The following GRK4 variants were observed in gnomAD, a reference collection of about 807,000 sequenced individuals.
GRK4 encodes the protein G protein-coupled receptor kinase 2-like.
Under a neutral mutation model 77.9 loss-of-function variants are expected in GRK4, and 73 were observed. The observed-to-expected ratio is 0.94, with a 90% CI of 0.78 to 1.14. The LOEUF (loss-of-function observed/expected upper bound fraction) is 1.14, where lower values mean the gene tolerates loss of function less well. Among genes scored for constraint, GRK4 ranks in the 50% most tolerant of loss-of-function variants. The pLI, the probability that GRK4 is intolerant of heterozygous loss-of-function variation, is 0.00. For synonymous variants in GRK4, 257 were observed against 254.4 expected, an observed-to-expected ratio of 1.01 and a Z score of -0.10; for missense variants, 729 against 700.2, an observed-to-expected ratio of 1.04 and a Z score of -0.46.
chr4:2,996,139 G>A (rs1479945181), intron 4 of GRK4, among the ~76,000 whole-genome samples: 2 of 152,088 alleles, frequency 1.3e-5, no homozygotes, highest in African/African-American at 4.8e-5. Flanking sequence ...ATCACTTGGT[G>A]GAAGTGGAAA....
rs370707356 is a variant in GRK4 at position 3,015,939 on chromosome 4, C to A, written c.741+2111C>A. Among the ~76,000 whole-genome samples the A allele has an allele frequency of 6.2e-3, 930 of 149,478 alleles. 16 individuals carry two copies. Among genetic ancestry groups the A allele is most frequent in the African/African-American group, 0.021 (869 of 40,712 alleles). Reference sequence around the variant, plus strand: ...TTTTTTTTTTTTTGATACAGAGTCTCGCACTGTCTCCCGGGCTGGAGTGCA... The same window carrying A: ...TTTTTTTTTTTTTGATACAGAGTCTAGCACTGTCTCCCGGGCTGGAGTGCA... On this transcript the variant is annotated intron_variant, in intron 8 of 15. Coordinates refer to ENST00000398052, the MANE Select transcript of GRK4 (RefSeq NM_182982.3).
At chr4:3,005,695 T>A (rs1731115106) in intron 5 of GRK4, among the ~76,000 whole-genome samples, 1 of 151,874 alleles carries the variant, frequency 6.6e-6, no homozygotes, top group Non-Finnish European at 1.5e-5. Flanking sequence ...TCCCAGCTAC[T>A]CAGGAGGCTG....
At chr4:3,036,499 G>A (rs2110088692) in intron 13 of GRK4, among the ~76,000 whole-genome samples, 1 of 152,362 alleles carries the variant, frequency 6.6e-6, no homozygotes, top group Admixed American at 6.5e-5. Flanking sequence ...AAGTTTCTCA[G>A]GACTGCGGGT....
chr4:3,021,690 G>T (rs1258893162), intron 9 of GRK4, among the ~76,000 whole-genome samples: 3 of 152,166 alleles, frequency 2.0e-5, no homozygotes, highest in Non-Finnish European at 4.4e-5. Context: ...GGTGGTATTG[G>T]ACCATGGAAC....
chr4:3,022,361 A>T, intron 9 of GRK4, 53 bp from the exon 10 acceptor site: 26 of 1,578,590 alleles, frequency 1.6e-5, no homozygotes, highest in Non-Finnish European at 2.2e-5. Flanking sequence ...GGTACTCAGG[A>T]ATCACAGTGC....
rs1373793639 is a variant in GRK4, at chr4:3,007,848, T to G, written c.536+20T>G. 1.3e-6 allele frequency: 2 copies of G among 1,551,878 alleles called. No homozygotes were observed. Among genetic ancestry groups the G allele is most frequent in the African/African-American group, 2.7e-5 (2 of 73,290 alleles). The stretch of plus-strand genomic sequence containing the variant: ...GGAAAGGTATGTACTGATTTTAAAC[T>G]TGATAAAAGCCAATTGAGGTGGCAC... On this transcript the variant is annotated intron_variant, in intron 6 of 15. Coordinates refer to ENST00000398052, the MANE Select transcript of GRK4 (RefSeq NM_182982.3).
intron 1 of GRK4, among the ~76,000 whole-genome samples, chr4:2,981,249 TGG>T (rs905315389): frequency 6.6e-6 from 1 of 152,168 alleles, no homozygotes; most frequent in East Asian, 1.9e-4. Flanking sequence ...CGTGGTGAGT[TGG>T]GGGGTGTGCT....
intron 1 of GRK4, among the ~76,000 whole-genome samples, chr4:2,964,404 C>T (rs1026994134): frequency 1.3e-5 from 2 of 152,126 alleles, no homozygotes; most frequent in African/African-American, 4.8e-5. Context: ...CTTGTCCTGT[C>T]CTCTCGGTGT....
chr4:2,972,470 C>G (rs1719856734), intron 1 of GRK4, among the ~76,000 whole-genome samples: 1 of 152,096 alleles, frequency 6.6e-6, no homozygotes, highest in South Asian at 2.1e-4. Flanking sequence ...CTGAGGACAG[C>G]TGAATGAGGG....
chr4:3,029,550 C>T (rs1193655940), intron 12 of GRK4, 141 bp downstream of exon 12: 3 of 681,678 alleles, frequency 4.4e-6, no homozygotes, highest in Non-Finnish European at 7.5e-6. Context: ...GCCCCTGCCC[C>T]TGCAGCCCAG....
At chr4:3,007,366 C>T (rs973266907) in intron 5 of GRK4, among the ~76,000 whole-genome samples, 1 of 152,166 alleles carries the variant, frequency 6.6e-6, no homozygotes, top group African/African-American at 2.4e-5. Flanking sequence ...GTCCCTCAGC[C>T]AGTGAGTGGC....
At chr4:3,035,840 C>T (rs929813321) in intron 13 of GRK4, among the ~76,000 whole-genome samples, 3 of 152,184 alleles carry the variant, frequency 2.0e-5, no homozygotes, top group African/African-American at 7.2e-5. Flanking sequence ...TCTTCCCTCC[C>T]CCGTCACCCC....
At position 2,963,931 on chromosome 4, in the gene GRK4, G is replaced by C; in HGVS notation, c.-140G>C. The C allele has an allele frequency of 2.5e-6, 2 of 792,512 alleles. No homozygotes were observed. Among genetic ancestry groups the C allele is most frequent in the South Asian group, 2.9e-5 (2 of 67,950 alleles). 49.1% of individuals were successfully genotyped at this position (792,512 alleles called of 1,614,324 possible). A position where few individuals can be genotyped will look rare whatever the true frequency, so the allele number is the denominator to read the frequency against. The stretch of plus-strand genomic sequence containing the variant: ...TGGTGGCAGTGGTGGCGGCGGAGCA[G>C]CCTCCCGGGATCGTGTCCGGAGCTC... On this transcript the variant is annotated 5_prime_UTR_variant, in exon 1 of 16. Transcript: ENST00000398052.
At chr4:3,014,712 A>T (rs1733956317) in intron 8 of GRK4, among the ~76,000 whole-genome samples, 1 of 151,930 alleles carries the variant, frequency 6.6e-6, no homozygotes, top group African/African-American at 2.4e-5. Context: ...CAGGAGAATC[A>T]CTTGAACCTG....
chr4:3,003,758 C>G (rs777130241), intron 4 of GRK4, among the ~76,000 whole-genome samples: 1 of 151,758 alleles, frequency 6.6e-6, no homozygotes, highest in African/African-American at 2.4e-5. Context: ...GGTTTGGAGA[C>G]GGAGTTTCAC....
chr4:2,993,141 G>A (rs1315687838), intron 4 of GRK4, among the ~76,000 whole-genome samples: 2 of 152,156 alleles, frequency 1.3e-5, no homozygotes, highest in Admixed American at 6.5e-5. Flanking sequence ...TATAGAGTTG[G>A]AGAATTTTAT....
chr4:3,037,540 C>G (rs201665734), intron 14 of GRK4, 29 bp downstream of exon 14: 1 of 1,580,638 alleles, frequency 6.3e-7, no homozygotes, highest in East Asian at 2.3e-5. Flanking sequence ...AGCCGCTTTA[C>G]GTTAGTTCCA....
At chr4:2,998,288 A>G (rs1728544699) in intron 4 of GRK4, among the ~76,000 whole-genome samples, 1 of 152,018 alleles carries the variant, frequency 6.6e-6, no homozygotes, top group African/African-American at 2.4e-5. Context: ...ACCCGGGAGG[A>G]GGAGGTTGCA....
Position 2,995,556 on chromosome 4 carries a change from C to A in GRK4, c.339+3264C>A, listed in dbSNP as rs1029060217. Reference sequence around the variant, plus strand: ...ATTAACTGGATGTGGTGGTGCATGCCTATAATCCCAGCTCCTTGGGAGGCT... The same window carrying A: ...ATTAACTGGATGTGGTGGTGCATGCATATAATCCCAGCTCCTTGGGAGGCT... On this transcript the variant is annotated intron_variant, in intron 4 of 15. Coordinates refer to ENST00000398052, the MANE Select transcript of GRK4 (RefSeq NM_182982.3). Among the ~76,000 whole-genome samples the A allele has an allele frequency of 1.0e-4, 15 of 150,210 alleles. 1 individual carries two copies. The highest frequency in any genetic ancestry group is 1.9e-4 in the Non-Finnish European group (13 of 67,764).
Sources: gnomAD v4.1 joint callset for allele counts (sites outside exome capture counted in the v4.1 genomes callset) on GRCh38, gnomAD v4.1.1 for gene constraint, MANE v1.5 for transcripts, NCBI Gene and HGNC (gene_info 2026-07-23, HGNC 2026-07-21) for gene names.